Variants in IER2 observed in about 807,000 individuals in gnomAD.
IER2 encodes immediate early response gene 2 protein.
For synonymous variants in IER2, 198 were observed against 149.6 expected (o/e 1.32, Z -2.36); for missense variants, 372 against 325.4 (o/e 1.14, Z -1.10).
rs946035968 is a variant in IER2, at chr19:13,151,806, C to CG, written c.-243-1138_-243-1137insG. ...GCAAAGCCCCGCCCCTCCGCGCCCCCCCCCCGGAAGCCCCGCCGCCGGCCG... is the reference window on the plus strand; with the variant it reads ...GCAAAGCCCCGCCCCTCCGCGCCCCCGCCCCCGGAAGCCCCGCCGCCGGCCG... On this transcript the variant is annotated intron_variant, in intron 1 of 1. Transcript: ENST00000292433. Among the ~76,000 whole-genome samples the CG allele has an allele frequency of 8.8e-4, 113 of 127,976 alleles. 3 individuals carry two copies. Among genetic ancestry groups the CG allele is most frequent in the African/African-American group, 2.7e-3 (107 of 40,262 alleles). 84.0% of individuals were successfully genotyped at this position (127,976 alleles called of 152,430 possible).
rs752770692 is a variant in IER2, at chr19:13,153,643, T to C, written c.457T>C (p.Ser153Pro). The change falls in exon 2 of 2, where the codon TCA becomes CCA. Residue 153 changes from serine (S) to proline (P), a missense_variant. Coordinates refer to ENST00000292433, the MANE Select transcript of IER2 (RefSeq NM_004907.3). The part of the protein sequence containing the change: ...LEEKEEEEGA[S>P]SEVADRLQPP... ...AGAAAAGGAAGAAGAGGAGGGAGCG[T>C]CATCCGAAGTCGCCGATCGCCTGCA... 4 of 1,613,052 alleles carry C rather than the reference T, an allele frequency of 2.5e-6. No individual in the cohort carries two copies. The highest frequency in any genetic ancestry group is 2.5e-6 in the Non-Finnish European group (3 of 1,179,766).
intron 1 of IER2, chr19:13,152,480 C>G (rs2020078179): frequency 6.6e-6 from 1 of 152,298 alleles, no homozygotes; most frequent in Non-Finnish European, 1.5e-5. Flanking sequence ...CCTAGTGACT[C>G]TGCCTTGGTT....
At position 13,153,874 on chromosome 19, in the gene IER2, C is replaced by T; in HGVS notation, c.*16C>T. On this transcript the variant is annotated 3_prime_UTR_variant, in exon 2 of 2. Transcript: ENST00000292433. ...GGCCTTCTGAGGACCCCGAGCGGCG[C>T]TGCCGGAGCCCAGAGCGCGCGTCGA... 1 of 1,407,316 alleles carries T rather than the reference C, an allele frequency of 7.1e-7. No homozygotes were observed. The highest frequency in any genetic ancestry group is 9.2e-7 in the Non-Finnish European group (1 of 1,086,782). 87.2% of individuals were successfully genotyped at this position (1,407,316 alleles called of 1,614,324 possible). A position where few individuals can be genotyped will look rare whatever the true frequency, so the allele number is the denominator to read the frequency against.
intron 1 of IER2, among the ~76,000 whole-genome samples, chr19:13,151,089 G>A (rs1238272097): frequency 6.6e-6 from 1 of 152,020 alleles, no homozygotes; most frequent in African/African-American, 2.4e-5. Context: ...TGACAGTGGC[G>A]CTGTGTGTTG....
At chr19:13,151,943 G>A (rs2020068851) in intron 1 of IER2, 1 of 152,376 alleles carries the variant, frequency 6.6e-6, no homozygotes, top group East Asian at 1.9e-4. Context: ...CGCTGGTGGC[G>A]GGAAGGCGCC....
chr19:13,153,032 G>A lies in IER2; in HGVS notation c.-155G>A, dbSNP rs2020083806. 2.0e-6 allele frequency: 1 copy of A among 506,272 alleles called. No individual in the cohort carries two copies. Among genetic ancestry groups the A allele is most frequent in the Non-Finnish European group, 3.4e-6 (1 of 294,144 alleles). 31.4% of individuals were successfully genotyped at this position (506,272 alleles called of 1,614,324 possible). A position where few individuals can be genotyped will look rare whatever the true frequency, so the allele number is the denominator to read the frequency against. On this transcript the variant is annotated 5_prime_UTR_variant, in exon 2 of 2. Coordinates refer to ENST00000292433, the MANE Select transcript of IER2 (RefSeq NM_004907.3). ...GTGACGTCACTGGGGGTATAAAAGG[G>A]CCTGGGTGGCGGGCGCCTGGGCAGA...
At position 13,153,460 on chromosome 19, in the gene IER2, T is replaced by C. The variant is rs1435612595; in HGVS notation, c.274T>C (p.Phe92Leu). 1 of 1,595,472 alleles carries C rather than the reference T, an allele frequency of 6.3e-7. No homozygotes were observed. Among genetic ancestry groups the C allele is most frequent in the South Asian group, 1.1e-5 (1 of 89,036 alleles). The change falls in exon 2 of 2, where the codon TTT (phenylalanine) becomes CTT (leucine). Residue 92 changes from phenylalanine to leucine, a missense_variant. Phe to Leu is a conservative substitution (Grantham distance 22). Coordinates refer to ENST00000292433, the MANE Select transcript of IER2 (RefSeq NM_004907.3). Reference sequence around the variant, plus strand: ...AGCGACCCCCGACGGTGAGCACCCGTTTCCGGAGCCAATGGACACGCAGGA... The same window carrying C: ...AGCGACCCCCGACGGTGAGCACCCGCTTCCGGAGCCAATGGACACGCAGGA... ...ETATPDGEHPFPEPMDTQEAP... is the reference protein window; with the variant it reads ...ETATPDGEHPLPEPMDTQEAP...
Position 13,154,091 on chromosome 19 carries a change from G to A in IER2, c.*233G>A. On this transcript the variant is annotated 3_prime_UTR_variant, in exon 2 of 2. Coordinates refer to ENST00000292433, the MANE Select transcript of IER2 (RefSeq NM_004907.3). The stretch of plus-strand genomic sequence containing the variant: ...AGGAGTCTGAGCCGGGGGCGCGGGC[G>A]CCTTCCGCAGAGACCTGCGCCCACA... 4.1e-6 allele frequency: 2 copies of A among 486,504 alleles called. No homozygotes were observed. Among genetic ancestry groups the A allele is most frequent in the Non-Finnish European group, 3.7e-6 (1 of 271,036 alleles). 30.1% of individuals were successfully genotyped at this position (486,504 alleles called of 1,614,324 possible).
intron 1 of IER2, among the ~76,000 whole-genome samples, chr19:13,151,360 G>T (rs76005517): frequency 6.9e-6 from 1 of 143,898 alleles, no homozygotes; most frequent in African/African-American, 2.5e-5. Context: ...TTTGGGAAGG[G>T]TATTTTAGGG....
chr19:13,153,424 A>G lies in IER2; in HGVS notation c.238A>G (p.Thr80Ala). 1 of 1,591,760 alleles carries G rather than the reference A, an allele frequency of 6.3e-7. No homozygotes were observed. The highest frequency in any genetic ancestry group is 8.5e-7 in the Non-Finnish European group (1 of 1,171,964). The change falls in exon 2 of 2, where the codon ACG becomes GCG. Residue 80 changes from threonine to alanine, a missense_variant. Physicochemically the swap from Thr to Ala is moderately conservative, Grantham distance 58. Transcript: ENST00000292433. ...RLHPPREAES[T>A]AETATPDGEH... ...GCACCCGCCCCGAGAAGCCGAGTCCACGGCCGAGACAGCGACCCCCGACGG... is the reference window on the plus strand; with the variant it reads ...GCACCCGCCCCGAGAAGCCGAGTCCGCGGCCGAGACAGCGACCCCCGACGG...
chr19:13,151,314 C>T (rs1300847261), intron 1 of IER2, among the ~76,000 whole-genome samples: 2 of 151,096 alleles, frequency 1.3e-5, no homozygotes, highest in African/African-American at 2.4e-5. Context: ...TTCGGCAGGT[C>T]GTCGCAGTCT....
Position 13,153,439 on chromosome 19 carries a change from AC to A in IER2, c.258del (p.Asp87ThrfsTer41). On this transcript the variant is annotated frameshift_variant, in exon 2 of 2. Transcript: ENST00000292433. LOFTEE classifies it low-confidence loss of function (END_TRUNC). ...AGCCGAGTCCACGGCCGAGACAGCGACCCCCGACGGTGAGCACCCGTTTCCG... is the reference window on the plus strand; with the variant it reads ...AGCCGAGTCCACGGCCGAGACAGCGACCCCGACGGTGAGCACCCGTTTCCG... ...REAESTAETA[T>X]PDGEHPFPEP... 1 of 1,591,524 alleles carries A rather than the reference AC, an allele frequency of 6.3e-7. No individual in the cohort carries two copies.
rs751671169 is a variant in IER2 at position 13,153,707 on chromosome 19, T to A, written c.521T>A (p.Leu174Gln). The change falls in exon 2 of 2, where the codon CTG becomes CAG. Residue 174 changes from leucine to glutamine, a missense_variant. Leu to Gln is a moderately radical substitution (Grantham distance 113). Coordinates refer to ENST00000292433, the MANE Select transcript of IER2 (RefSeq NM_004907.3). The stretch of plus-strand genomic sequence containing the variant: ...CAAGCGGAGGGCGCCTTTCCCAACC[T>A]GGCCCGCGTCCTGCAGAGGCGCTTC... Reference protein sequence around the residue: ...PAQAEGAFPNLARVLQRRFSG... With the variant: ...PAQAEGAFPNQARVLQRRFSG... 19 of 1,610,086 alleles carry A rather than the reference T, an allele frequency of 1.2e-5. No individual in the cohort carries two copies. In the South Asian group the frequency reaches 2.1e-4, roughly 18 times the overall value.
chr19:13,151,022 TC>T (rs2020049554), intron 1 of IER2, among the ~76,000 whole-genome samples: 1 of 152,094 alleles, frequency 6.6e-6, no homozygotes, highest in African/African-American at 2.4e-5. Flanking sequence ...GTGTGGGGTC[TC>T]CGTCTGGGTA....
chr19:13,151,764 A>AG (rs2020063434), intron 1 of IER2, among the ~76,000 whole-genome samples: 1 of 146,390 alleles, frequency 6.8e-6, no homozygotes, highest in African/African-American at 2.6e-5. Flanking sequence ...GGGGATGGGG[A>AG]GGGGCGTGGC....
chr19:13,152,383 T>G (rs2020077504), intron 1 of IER2: 1 of 152,268 alleles, frequency 6.6e-6, no homozygotes, highest in South Asian at 2.1e-4. Context: ...AAGCAAGGGC[T>G]GGCGTACGCT....
At position 13,153,253 on chromosome 19, in the gene IER2, A is replaced by C. The variant is rs893469230; in HGVS notation, c.67A>C (p.Met23Leu). 1.3e-6 allele frequency: 2 copies of C among 1,585,044 alleles called. No individual in the cohort carries two copies. Among genetic ancestry groups the C allele is most frequent in the South Asian group, 1.1e-5 (1 of 87,556 alleles). ...LSVWKMYHSR[M>L]QRGGLRLHRS... ...GGTGTGGAAGATGTATCACTCCCGC[A>C]TGCAGCGCGGTGGCCTGCGGCTGCA... The change falls in exon 2 of 2, where the codon ATG (methionine) becomes CTG (leucine). Residue 23 changes from methionine to leucine, a missense_variant. Transcript: ENST00000292433.
chr19:13,153,779 C>T lies in IER2; in HGVS notation c.593C>T (p.Pro198Leu). The change falls in exon 2 of 2, where the codon CCC becomes CTC. Residue 198 changes from proline (P) to leucine (L), a missense_variant. By Grantham distance (98) the Pro-to-Leu change is moderately conservative (BLOSUM62 -3). Coordinates refer to ENST00000292433, the MANE Select transcript of IER2 (RefSeq NM_004907.3). ...CSPAAPPTAPPACEAKPACRP... is the reference protein window; with the variant it reads ...CSPAAPPTAPLACEAKPACRP... ...CCCGCGGCCCCTCCGACGGCGCCGC[C>T]CGCGTGCGAGGCAAAGCCCGCTTGC... is the stretch of plus-strand genomic sequence containing the variant. 6.5e-7 allele frequency: 1 copy of T among 1,549,692 alleles called. No homozygotes were observed. The highest frequency in any genetic ancestry group is 1.2e-5 in the South Asian group (1 of 84,954).
rs1226834882 is a variant in IER2, at chr19:13,154,011, G to C, written c.*153G>C. 2 of 633,022 alleles carry C rather than the reference G, an allele frequency of 3.2e-6. No homozygotes were observed. Among genetic ancestry groups the C allele is most frequent in the Admixed American group, 4.1e-5 (1 of 24,598 alleles). 39.2% of individuals were successfully genotyped at this position (633,022 alleles called of 1,614,324 possible). ...GCCGCCCGGGCTGCTGAGAGGCCCG[G>C]AGAGGGACTCTGTCCCCGGGGAGCC... On this transcript the variant is annotated 3_prime_UTR_variant, in exon 2 of 2. Transcript: ENST00000292433.
Sources: gnomAD v4.1 joint callset for allele counts (sites outside exome capture counted in the v4.1 genomes callset) on GRCh38, gnomAD v4.1.1 for gene constraint, MANE v1.5 for transcripts, NCBI Gene and HGNC (gene_info 2026-07-23, HGNC 2026-07-21) for gene names.